Variants in SORCS1 observed in about 807,000 individuals in gnomAD.
SORCS1 encodes sortilin related VPS10 domain containing receptor 1.
Under a neutral mutation model 146.1 loss-of-function variants are expected in SORCS1, and 60 were observed. The observed-to-expected ratio is 0.41, with a 90% confidence interval of 0.33 to 0.51. The LOEUF is 0.51. SORCS1 is among the 20% of genes least tolerant of loss of function. SORCS1 has a pLI of 0.21. For synonymous variants in SORCS1, 637 were observed against 584.0 expected, an observed-to-expected ratio of 1.09 and a Z score of -1.31; for missense variants, 1,352 against 1,487.6, an observed-to-expected ratio of 0.91 and a Z score of 1.50.
intron 2 of SORCS1, among the ~76,000 whole-genome samples, chr10:106,944,112 T>C (rs565885395): frequency 1.3e-5 from 2 of 152,352 alleles, no homozygotes; most frequent in East Asian, 3.9e-4. Context: ...CTTGTTTCAC[T>C]GACTACTTTG....
intron 1 of SORCS1, among the ~76,000 whole-genome samples, chr10:107,100,901 T>A (rs2134378786): frequency 6.6e-6 from 1 of 152,322 alleles, no homozygotes; most frequent in East Asian, 1.9e-4. Context: ...TTTTTAAAAA[T>A]ATTTTTCTAG....
At position 106,575,162 on chromosome 10, in the gene SORCS1, G is replaced by A. The variant is rs1352040469; in HGVS notation, c.*2258C>T. ...TTAAATTTGGGAGACTCCAACTGAA[G>A]AGGATCAATGAGGATGTTTCCTATG... On this transcript the variant is annotated 3_prime_UTR_variant, in exon 26 of 26. Coordinates refer to ENST00000263054, the MANE Select transcript of SORCS1 (RefSeq NM_052918.5). The A allele has an allele frequency of 6.6e-6, 1 of 152,614 alleles. No homozygotes were observed. The highest frequency in any genetic ancestry group is 1.5e-5 in the Non-Finnish European group (1 of 68,044). The allele number at this position is 152,614 out of a possible 1,614,324, so 9.5% of individuals were successfully genotyped here.
At position 107,060,958 on chromosome 10, in the gene SORCS1, T is replaced by C. The variant is rs556537986; in HGVS notation, c.558+103011A>G. Among the ~76,000 whole-genome samples, 4 of 152,298 alleles carry C rather than the reference T, an allele frequency of 2.6e-5. No individual in the cohort carries two copies. In the South Asian group the frequency reaches 8.3e-4, roughly 32 times the overall value. On this transcript the variant is annotated intron_variant, in intron 1 of 25. Transcript: ENST00000263054. The surrounding 1 kb of genome is among the most constrained non-coding windows in gnomAD (Gnocchi z 4.1). ...TATCTTTTCCCTTTCTCTTTCCAAG[T>C]TAAATAAAAAAATTTATCTTCTGTT...
intron 1 of SORCS1, among the ~76,000 whole-genome samples, chr10:107,070,086 C>G (rs927611467): frequency 2.6e-5 from 4 of 152,202 alleles, no homozygotes; most frequent in African/African-American, 9.6e-5. Flanking sequence ...CAATATGTGA[C>G]TTCTCGTGCC....
intron 2 of SORCS1, among the ~76,000 whole-genome samples, chr10:106,949,107 G>A (rs769019854): frequency 6.6e-5 from 10 of 152,154 alleles, no homozygotes; most frequent in East Asian, 1.9e-4. Context: ...CTGCCTGAAC[G>A]CTTGACTAGC....
At chr10:106,818,678 G>A (rs1178298588) in intron 3 of SORCS1, among the ~76,000 whole-genome samples, 2 of 152,196 alleles carry the variant, frequency 1.3e-5, no homozygotes, top group Non-Finnish European at 2.9e-5. Flanking sequence ...AATTAGCATA[G>A]TAAGATAGCA....
At position 107,016,187 on chromosome 10, in the gene SORCS1, T is replaced by C. The variant is rs368869017; in HGVS notation, c.559-59607A>G. Among the ~76,000 whole-genome samples the C allele has an allele frequency of 2.6e-5, 4 of 152,152 alleles. No individual in the cohort carries two copies. The East Asian group carries it at 5.8e-4, about 22-fold the overall frequency. On this transcript the variant is annotated intron_variant, in intron 1 of 25. Transcript: ENST00000263054. ...ATGGAAGAACATAGAACTCAGAAAT[T>C]GGCTCACAAGACATACGTGCATAAT...
intron 1 of SORCS1, among the ~76,000 whole-genome samples, chr10:107,026,341 C>T (rs74957171): frequency 0.064 from 9,713 of 152,166 alleles, 856 homozygotes; most frequent in African/African-American, 0.19. Flanking sequence ...GGGTTTTGGC[C>T]GGGCATGGTG....
At chr10:106,584,466 A>G (rs1845105115) in intron 24 of SORCS1, among the ~76,000 whole-genome samples, 1 of 152,236 alleles carries the variant, frequency 6.6e-6, no homozygotes, top group Admixed American at 6.5e-5. Context: ...AAGAGTAAAC[A>G]GTCATATTCT....
intron 2 of SORCS1, among the ~76,000 whole-genome samples, chr10:106,879,306 T>C (rs1450971352): frequency 6.6e-6 from 1 of 152,198 alleles, no homozygotes; most frequent in Admixed American, 6.5e-5. Context: ...ACTTTATTAC[T>C]TTTGGCAGTG....
chr10:107,164,428 G>A lies in SORCS1; in HGVS notation c.99C>T (p.Gly33=). The A allele has an allele frequency of 2.8e-6, 4 of 1,409,568 alleles. No homozygotes were observed. Among genetic ancestry groups the A allele is most frequent in the Non-Finnish European group, 2.8e-6 (3 of 1,087,472 alleles). The allele number at this position is 1,409,568 out of a possible 1,614,324, so 87.3% of individuals were successfully genotyped here. The change falls in exon 1 of 26, where the codon GGC becomes GGT. Residue 33 remains glycine, a synonymous_variant. Coordinates refer to ENST00000263054, the MANE Select transcript of SORCS1 (RefSeq NM_052918.5). The surrounding 1 kb of genome is among the most constrained non-coding windows in gnomAD (Gnocchi z 6.8). ...LLILCAPGVC[G]GGSCCPSPHP... ...GCGGCGAGGGGCAGCAGGAGCCGCCGCCGCAGACGCCCGGGGCGCAGAGGA... is the reference window on the plus strand; with the variant it reads ...GCGGCGAGGGGCAGCAGGAGCCGCCACCGCAGACGCCCGGGGCGCAGAGGA...
In SORCS1 at chr10:106,869,595, A is replaced by G. The variant is rs182726045; in HGVS notation, c.627-39922T>C. ...AAATAGAACTAAAGACAAAAACCAC[A>G]GGATTATCTCAATAGATGCAGAAAA... On this transcript the variant is annotated intron_variant, in intron 2 of 25. Transcript: ENST00000263054. Among the ~76,000 whole-genome samples, 17 of 152,354 alleles carry G rather than the reference A, an allele frequency of 1.1e-4. No homozygotes were observed. In the East Asian group the frequency reaches 3.1e-3, roughly 28 times the overall value.
intron 1 of SORCS1, among the ~76,000 whole-genome samples, chr10:107,118,246 C>T (rs1049385831): frequency 2.6e-5 from 4 of 152,166 alleles, no homozygotes; most frequent in Admixed American, 6.5e-5. Flanking sequence ...TGTGGGCTCT[C>T]GTCAGACACC....
At chr10:106,759,231 G>C (rs1309501071) in intron 5 of SORCS1, among the ~76,000 whole-genome samples, 1 of 152,190 alleles carries the variant, frequency 6.6e-6, no homozygotes, top group African/African-American at 2.4e-5. Context: ...AAAGGCTGAT[G>C]AGAGGCAGTG....
chr10:106,772,778 C>T (rs1340002228), intron 4 of SORCS1, among the ~76,000 whole-genome samples: 1 of 151,958 alleles, frequency 6.6e-6, no homozygotes, highest in African/African-American at 2.4e-5. Flanking sequence ...TCTTTGAGTC[C>T]CTTATAATGC....
At chr10:107,094,181 A>AT (rs372278371) in intron 1 of SORCS1, among the ~76,000 whole-genome samples, 64 of 151,258 alleles carry the variant, frequency 4.2e-4, no homozygotes, top group African/African-American at 1.4e-3. Context: ...GAAGGCAAAC[A>AT]TTTTTTTTTA....
intron 2 of SORCS1, among the ~76,000 whole-genome samples, chr10:106,927,237 C>G (rs568909451): frequency 6.6e-6 from 1 of 152,248 alleles, no homozygotes; most frequent in African/African-American, 2.4e-5. Context: ...TTTGTTCATT[C>G]TGATGTTCGG....
chr10:106,709,225 G>T lies in SORCS1; in HGVS notation c.1141C>A (p.Gln381Lys). Residue 381 changes from glutamine to lysine, a missense_variant and splice_region_variant, in exon 7 of 26, where the codon CAG becomes AAG. Transcript: ENST00000263054. ...CAACAGAAGTGGATTTTTCCTACCTGAACAAACACATAATGATCCTGAACA... is the reference window on the plus strand; with the variant it reads ...CAACAGAAGTGGATTTTTCCTACCTTAACAAACACATAATGATCCTGAACA... The part of the protein sequence containing the change: ...LIVQDHYVFV[Q>K]LTSGGRPHYY... 1.2e-6 allele frequency: 2 copies of T among 1,609,688 alleles called. No individual in the cohort carries two copies. The highest frequency in any genetic ancestry group is 2.2e-5 in the South Asian group (2 of 90,422).
intron 6 of SORCS1, among the ~76,000 whole-genome samples, chr10:106,714,003 G>A (rs1262243283): frequency 6.6e-6 from 1 of 151,706 alleles, no homozygotes; most frequent in Non-Finnish European, 1.5e-5. Flanking sequence ...ATGGTGGCAC[G>A]TGCCTGTAAT....
Sources: gnomAD v4.1 joint callset for allele counts (sites outside exome capture counted in the v4.1 genomes callset) on GRCh38, gnomAD v4.1.1 for gene constraint, Gnocchi (gnomAD v3.1) non-coding constraint, MANE v1.5 for transcripts, NCBI Gene and HGNC (gene_info 2026-07-23, HGNC 2026-07-21) for gene names.